CPNE7: variants seen among roughly 807,000 people sequenced by gnomAD.
CPNE7 encodes the protein copine-7.
In CPNE7, 78 loss-of-function variants were observed where a neutral mutation model predicts 66.5. That is an observed-to-expected ratio of 1.17 (90% CI 0.98 to 1.42). CPNE7 has a LOEUF of 1.42. CPNE7 is among the 40% of genes most tolerant of loss of function. CPNE7 has a pLI of 0.00. For synonymous variants in CPNE7, 468 were observed against 336.7 expected (o/e 1.39, Z -4.27); for missense variants, 1,012 against 776.6 (o/e 1.30, Z -3.60).
Position 89,575,920 on chromosome 16 carries a change from G to A in CPNE7, c.23G>A (p.Gly8Glu). The change falls in exon 1 of 15, where the codon GGG (glycine) becomes GAG (glutamate). Residue 8 changes from glycine to glutamate, a missense_variant. Transcript: ENST00000319518. MSAGSER[G>E]AAATPGGLPA... ...AGCATGAGCGCGGGCTCGGAGCGCG[G>A]GGCGGCGGCAACCCCCGGGGGTTTG... The A allele has an allele frequency of 8.0e-7, 1 of 1,256,468 alleles. No homozygotes were observed. The allele number at this position is 1,256,468 out of a possible 1,614,324, so 77.8% of individuals were successfully genotyped here. A position where few individuals can be genotyped will look rare whatever the true frequency, so the allele number is the denominator to read the frequency against.
Position 89,589,948 on chromosome 16 carries a change from T to C in CPNE7, c.1113T>C (p.Tyr371=). 6.2e-7 allele frequency: 1 copy of C among 1,613,542 alleles called. No individual in the cohort carries two copies. The highest frequency in any genetic ancestry group is 1.1e-5 in the South Asian group (1 of 91,076). The change falls in exon 11 of 15, where the codon TAT becomes TAC. Residue 371 remains tyrosine, a synonymous_variant. Coordinates refer to ENST00000319518, the MANE Select transcript of CPNE7 (RefSeq NM_153636.3). ...LGFGARIPPK[Y]EVSHDFAINF... Reference sequence around the variant, plus strand: ...TTGGAGCCCGGATCCCTCCCAAGTATGAGGTAGGAGAGCCCAGAACCTGAG... The same window carrying C: ...TTGGAGCCCGGATCCCTCCCAAGTACGAGGTAGGAGAGCCCAGAACCTGAG...
Position 89,584,245 on chromosome 16 carries a change from C to A in CPNE7, c.507+143C>A. On this transcript the variant is annotated intron_variant, in intron 4 of 14. Transcript: ENST00000319518. The surrounding 1 kb of genome is among the most constrained non-coding windows in gnomAD (Gnocchi z 6.0). ...AGTGTGCCTGGGGCTGGGCGTGCTG[C>A]CGTCACGGTCGCCATCATCACTGTC... 1.2e-6 allele frequency: 1 copy of A among 802,800 alleles called. No homozygotes were observed. Among genetic ancestry groups the A allele is most frequent in the Non-Finnish European group, 1.9e-6 (1 of 522,354 alleles). The allele number at this position is 802,800 out of a possible 1,614,324, so 49.7% of individuals were successfully genotyped here.
At chr16:89,595,924 C>T (rs776838034) in intron 14 of CPNE7, 29 of 547,596 alleles carry the variant, frequency 5.3e-5, no homozygotes, top group South Asian at 2.8e-4. Flanking sequence ...ACAGCACACA[C>T]GTGAGGTTCT....
In CPNE7 at chr16:89,577,736, C is replaced by G; in HGVS notation, c.357+15C>G. 1 of 1,574,748 alleles carries G rather than the reference C, an allele frequency of 6.4e-7. No individual in the cohort carries two copies. The highest frequency in any genetic ancestry group is 2.3e-5 in the East Asian group (1 of 43,126). ...CCCTGGGGCAGGTGGGTGCCCCGTC[C>G]CCTCGGAGGGAGGAGGACGGTTGGC... On this transcript the variant is annotated intron_variant, in intron 2 of 14. Transcript: ENST00000319518.
rs2059020187 is a variant in CPNE7, at chr16:89,585,509, T to C, written c.637T>C (p.Ser213Pro). 6.2e-7 allele frequency: 1 copy of C among 1,611,876 alleles called. No homozygotes were observed. The highest frequency in any genetic ancestry group is 1.1e-5 in the South Asian group (1 of 90,846). The change falls in exon 6 of 15, where the codon TCT becomes CCT. Residue 213 changes from serine to proline, a missense_variant. Ser to Pro is a moderately conservative substitution (Grantham distance 74). Transcript: ENST00000319518. The stretch of plus-strand genomic sequence containing the variant: ...CCCGGTGTGGGAGGCCTTCAAAGTC[T>C]CTCTGAGTTCCCTCTGCAGCTGCGA... ...LNPVWEAFKV[S>P]LSSLCSCEET...
intron 14 of CPNE7, 198 bp downstream of exon 14, chr16:89,595,801 G>A (rs1028464621): frequency 5.7e-6 from 4 of 695,784 alleles, no homozygotes; most frequent in African/African-American, 5.3e-5. Context: ...ACCCTCCACC[G>A]TTTTGAAACT....
chr16:89,588,771 C>T lies in CPNE7; in HGVS notation c.1024C>T (p.Leu342=). ...CCAGCCGAACGAGTACCTGAAGGCA[C>T]TGGTGTCCGTGGGCGAGATCTGCCA... ...PYQPNEYLKA[L]VSVGEICQDY... is the part of the protein sequence containing the mutation. Residue 342 remains leucine (L), a synonymous_variant, in exon 10 of 15, where the codon CTG becomes TTG. Transcript: ENST00000319518. 6.2e-7 allele frequency: 1 copy of T among 1,613,780 alleles called. No homozygotes were observed. Among genetic ancestry groups the T allele is most frequent in the Non-Finnish European group, 8.5e-7 (1 of 1,179,970 alleles).
chr16:89,593,170 C>G (rs887807227), intron 13 of CPNE7, among the ~76,000 whole-genome samples: 10 of 152,080 alleles, frequency 6.6e-5, no homozygotes, highest in Admixed American at 5.9e-4. Context: ...TCATGATGAT[C>G]AAACATCACC....
At chr16:89,590,381 T>C (rs1012727646) in intron 11 of CPNE7, among the ~76,000 whole-genome samples, 1 of 151,806 alleles carries the variant, frequency 6.6e-6, no homozygotes, top group Non-Finnish European at 1.5e-5. Context: ...AAAAATTAGC[T>C]GGGCGTGGTG....
chr16:89,587,414 C>T (rs1434522365), intron 9 of CPNE7: 25 of 339,704 alleles, frequency 7.4e-5, no homozygotes, highest in Admixed American at 5.5e-4. Flanking sequence ...CCCCGTGAGC[C>T]GATGTCTCCA....
chr16:89,586,361 A>C (rs1371051489), intron 7 of CPNE7, among the ~76,000 whole-genome samples: 1 of 151,848 alleles, frequency 6.6e-6, no homozygotes, highest in East Asian at 2.0e-4. Context: ...GTGTCTGCCC[A>C]GCCCACAGCA....
chr16:89,588,789 A>C lies in CPNE7; in HGVS notation c.1042A>C (p.Ile348Leu). Residue 348 changes from isoleucine to leucine, a missense_variant, in exon 10 of 15, where the codon ATC becomes CTC. By Grantham distance (5) the Ile-to-Leu change is conservative (BLOSUM62 2). Coordinates refer to ENST00000319518, the MANE Select transcript of CPNE7 (RefSeq NM_153636.3). Reference sequence around the variant, plus strand: ...GAAGGCACTGGTGTCCGTGGGCGAGATCTGCCAGGACTATGACAGGTGCGC... The same window carrying C: ...GAAGGCACTGGTGTCCGTGGGCGAGCTCTGCCAGGACTATGACAGGTGCGC... ...YLKALVSVGE[I>L]CQDYDSDKRF... 6.2e-7 allele frequency: 1 copy of C among 1,613,518 alleles called. No homozygotes were observed. The highest frequency in any genetic ancestry group is 1.1e-5 in the South Asian group (1 of 91,068).
At position 89,591,000 on chromosome 16, in the gene CPNE7, C is replaced by T. The variant is rs779785332; in HGVS notation, c.1117-7C>T. 5 of 1,613,666 alleles carry T rather than the reference C, an allele frequency of 3.1e-6. No individual in the cohort carries two copies. The Admixed American group carries it at 8.3e-5, about 27-fold the overall frequency. On this transcript the variant is annotated splice_polypyrimidine_tract_variant and splice_region_variant and intron_variant, in intron 11 of 14. Transcript: ENST00000319518. ...GCAGCTGACTGAGCCCTCTTGTTCC[C>T]ACCCAGGTGTCCCATGACTTTGCCA...
rs2058880028 is a variant in CPNE7 at position 89,577,580 on chromosome 16, G to A, written c.216G>A (p.Val72=). 3 of 1,553,414 alleles carry A rather than the reference G, an allele frequency of 1.9e-6. No homozygotes were observed. Among genetic ancestry groups the A allele is most frequent in the Admixed American group, 3.9e-5 (2 of 51,152 alleles). Residue 72 remains valine, a synonymous_variant, in exon 2 of 15, where the codon GTG becomes GTA. Coordinates refer to ENST00000319518, the MANE Select transcript of CPNE7 (RefSeq NM_153636.3). The stretch of plus-strand genomic sequence containing the variant: ...TGGTCCGGAGCAGCCTGCATCCCGT[G>A]TTCTCCAAGGTCTTCACGGTGGACT... ...TEVVRSSLHP[V]FSKVFTVDYY... is the part of the protein sequence containing the mutation.
chr16:89,587,217 TC>T (rs1414611613), intron 9 of CPNE7, 115 bp downstream of exon 9: 103 of 141,364 alleles, frequency 7.3e-4, no homozygotes, highest in East Asian at 2.9e-3. Context: ...GCCCCGCCCA[TC>T]CCCGCCCCCT....
At chr16:89,593,243 A>T (rs1480381079) in intron 13 of CPNE7, among the ~76,000 whole-genome samples, 2 of 152,140 alleles carry the variant, frequency 1.3e-5, no homozygotes. Flanking sequence ...TTTTTAATTT[A>T]TACAGATAGT....
chr16:89,596,892 C>G lies in CPNE7; in HGVS notation c.*271C>G, dbSNP rs950610088. 1 of 374,850 alleles carries G rather than the reference C, an allele frequency of 2.7e-6. No individual in the cohort carries two copies. Among genetic ancestry groups the G allele is most frequent in the African/African-American group, 2.1e-5 (1 of 47,778 alleles). 23.2% of individuals were successfully genotyped at this position (374,850 alleles called of 1,614,324 possible). On this transcript the variant is annotated 3_prime_UTR_variant, in exon 15 of 15. Transcript: ENST00000319518. ...GAGATCATGAGGGACTTGGAGGGAG[C>G]TGGGAGTTCATCCACGGGAGACCCT...
At position 89,591,007 on chromosome 16, in the gene CPNE7, G is replaced by A. The variant is rs781161930; in HGVS notation, c.1117G>A (p.Val373Met). Residue 373 changes from valine (V) to methionine (M), a missense_variant and splice_region_variant, in exon 12 of 15, where the codon GTG becomes ATG. Val to Met is a conservative substitution (Grantham distance 21, BLOSUM62 1). Coordinates refer to ENST00000319518, the MANE Select transcript of CPNE7 (RefSeq NM_153636.3). Reference sequence around the variant, plus strand: ...ACTGAGCCCTCTTGTTCCCACCCAGGTGTCCCATGACTTTGCCATCAATTT... The same window carrying A: ...ACTGAGCCCTCTTGTTCCCACCCAGATGTCCCATGACTTTGCCATCAATTT... ...FGARIPPKYEVSHDFAINFNP... is the reference protein window; with the variant it reads ...FGARIPPKYEMSHDFAINFNP... 2 of 1,613,602 alleles carry A rather than the reference G, an allele frequency of 1.2e-6. No homozygotes were observed. Among genetic ancestry groups the A allele is most frequent in the African/African-American group, 1.3e-5 (1 of 74,860 alleles).
At position 89,585,666 on chromosome 16, in the gene CPNE7, G is replaced by C. The variant is rs1485693855; in HGVS notation, c.682-21G>C. The C allele has an allele frequency of 3.2e-6, 5 of 1,553,786 alleles. No homozygotes were observed. In the African/African-American group the frequency reaches 6.9e-5, roughly 21 times the overall value. On this transcript the variant is annotated intron_variant, in intron 6 of 14. Coordinates refer to ENST00000319518, the MANE Select transcript of CPNE7 (RefSeq NM_153636.3). ...CCTGGGGCCCCCAGACAGCAGTGCT[G>C]AGGAGGACTGGGCTCCCCAGTGCCT...
Sources: allele counts gnomAD v4.1 joint callset (sites outside exome capture counted in the v4.1 genomes callset), GRCh38; gene constraint gnomAD v4.1.1; non-coding constraint Gnocchi (gnomAD v3.1); transcripts MANE v1.5; gene names NCBI Gene and HGNC (gene_info 2026-07-23, HGNC 2026-07-21).